FAM227B: variants seen among roughly 807,000 people sequenced by gnomAD.
FAM227B encodes protein FAM227B.
Under a neutral mutation model 73.8 loss-of-function variants are expected in FAM227B, and 88 were observed. The ratio of observed to expected loss-of-function variants is 1.19; its 90% confidence interval spans 1.00 to 1.42. The LOEUF (loss-of-function observed/expected upper bound fraction) is 1.42, where lower values mean the gene tolerates loss of function less well. Among genes scored for constraint, FAM227B ranks in the 40% most tolerant of loss-of-function variants. The pLI is 0.00. For synonymous variants in FAM227B, 210 were observed against 190.5 expected, an observed-to-expected ratio of 1.10 and a Z score of -0.84; for missense variants, 632 against 590.9, an observed-to-expected ratio of 1.07 and a Z score of -0.72.
At chr15:49,404,363 T>G (rs1567220321) in intron 11 of FAM227B, among the ~76,000 whole-genome samples, 1 of 152,296 alleles carries the variant, frequency 6.6e-6, no homozygotes, top group Non-Finnish European at 1.5e-5. Context: ...AGTGGGGTGT[T>G]AAAGTCCCCC....
intron 7 of FAM227B, among the ~76,000 whole-genome samples, chr15:49,575,319 AT>A (rs991020141): frequency 6.6e-6 from 1 of 152,146 alleles, no homozygotes; most frequent in Non-Finnish European, 1.5e-5. Flanking sequence ...GTGACATTTT[AT>A]TTAACCAAAT....
rs566691498 is a variant in FAM227B at position 49,612,140 on chromosome 15, G to A, written c.52-872C>T. Among the ~76,000 whole-genome samples the A allele has an allele frequency of 1.3e-4, 20 of 150,790 alleles. 1 individual carries two copies. In the South Asian group the frequency reaches 2.9e-3, roughly 22 times the overall value. On this transcript the variant is annotated intron_variant, in intron 2 of 15. Coordinates refer to ENST00000299338, the MANE Select transcript of FAM227B (RefSeq NM_152647.3). ...AAGTTTTAGGGTACATGTGTACAAC[G>A]TGCAGGTCTGTTACATATGTATACA...
rs146109281 is a variant in FAM227B at position 49,579,501 on chromosome 15, T to C, written c.406-1837A>G. ...ATCCTGTCATTTGCAGCAATATGGA[T>C]AAAACTGGAGGTTGTCTGTTAAGTG... is the stretch of plus-strand genomic sequence containing the variant. On this transcript the variant is annotated intron_variant, in intron 5 of 15. Transcript: ENST00000299338. Among the ~76,000 whole-genome samples, 293 of 152,308 alleles carry C rather than the reference T, an allele frequency of 1.9e-3. 2 individuals are homozygous for C. The highest frequency in any genetic ancestry group is 6.8e-3 in the African/African-American group (281 of 41,572).
chr15:49,543,143 C>T (rs1207593460), intron 9 of FAM227B, among the ~76,000 whole-genome samples: 1 of 152,034 alleles, frequency 6.6e-6, no homozygotes. Flanking sequence ...AAAGTGTTCC[C>T]TTTTCACCAC....
At chr15:49,457,698 T>G (rs1422297981) in intron 11 of FAM227B, among the ~76,000 whole-genome samples, 2 of 151,878 alleles carry the variant, frequency 1.3e-5, no homozygotes, top group Non-Finnish European at 2.9e-5. Flanking sequence ...AGATTTCCAA[T>G]GTCTATTACT....
chr15:49,455,029 G>A (rs540708960), intron 11 of FAM227B, among the ~76,000 whole-genome samples: 1 of 152,286 alleles, frequency 6.6e-6, no homozygotes, highest in African/African-American at 2.4e-5. Flanking sequence ...ACAGCAGTAT[G>A]ATTTAAAGTG....
intron 13 of FAM227B, among the ~76,000 whole-genome samples, chr15:49,355,896 C>A (rs1178394701): frequency 2.6e-5 from 4 of 151,986 alleles, no homozygotes; most frequent in African/African-American, 9.7e-5. Context: ...GATCTCTCGG[C>A]AGAAACCCTA....
intron 11 of FAM227B, among the ~76,000 whole-genome samples, chr15:49,452,265 A>C (rs2052826119): frequency 6.6e-6 from 1 of 151,986 alleles, no homozygotes; most frequent in Non-Finnish European, 1.5e-5. Flanking sequence ...GTTGGCCAGG[A>C]TGGTCTCGAA....
chr15:49,340,933 T>G (rs1179924399), intron 13 of FAM227B, among the ~76,000 whole-genome samples: 2 of 152,184 alleles, frequency 1.3e-5, no homozygotes, highest in Non-Finnish European at 2.9e-5. Flanking sequence ...TTTGAGTTAA[T>G]TTTTGTATAT....
At chr15:49,538,516 CA>C (rs1281565398) in intron 10 of FAM227B, among the ~76,000 whole-genome samples, 1 of 152,118 alleles carries the variant, frequency 6.6e-6, no homozygotes, top group Admixed American at 6.6e-5. Context: ...CTTTGGGTAC[CA>C]GGGGGTGCAA....
intron 11 of FAM227B, among the ~76,000 whole-genome samples, chr15:49,374,130 G>A (rs918718323): frequency 2.0e-5 from 3 of 152,148 alleles, no homozygotes; most frequent in Non-Finnish European, 4.4e-5. Context: ...TATAAAGATA[G>A]TTGGTATCAA....
At position 49,529,514 on chromosome 15, in the gene FAM227B, T is replaced by C. The variant is rs907168626; in HGVS notation, c.874+12166A>G. 2.0e-5 allele frequency among the ~76,000 whole-genome samples: 3 copies of C among 151,598 alleles called. No homozygotes were observed. In the South Asian group the frequency reaches 6.2e-4, roughly 31 times the overall value. On this transcript the variant is annotated intron_variant, in intron 10 of 15. Transcript: ENST00000299338. ...ATAAACATACACACAAAAGAAAATG[T>C]AGGTTTGATTTTTTTAAATTAAACT...
chr15:49,439,430 G>T (rs568234290), intron 11 of FAM227B, among the ~76,000 whole-genome samples: 31 of 151,622 alleles, frequency 2.0e-4, no homozygotes, highest in African/African-American at 2.9e-4. Context: ...AGTAAAACGT[G>T]GGGGGAGGGA....
In FAM227B at chr15:49,588,063, G is replaced by A. The variant is rs78578834; in HGVS notation, c.358C>T (p.Arg120Ter). The A allele has an allele frequency of 1.6e-5, 22 of 1,404,676 alleles. No homozygotes were observed. Among genetic ancestry groups the A allele is most frequent in the Admixed American group, 6.9e-5 (3 of 43,268 alleles). The allele number at this position is 1,404,676 out of a possible 1,614,324, so 87.0% of individuals were successfully genotyped here. A position where few individuals can be genotyped will look rare whatever the true frequency, so the allele number is the denominator to read the frequency against. Reference protein sequence around the residue: ...SETSSYRKLERYGEFLKKYHK... With the variant: ...SETSSYRKLE ...TACTTCTTTAGAAATTCCCCATATC[G>A]TTCCAATTTTCTATAAGAACCTTTA... Residue 120 changes from arginine to a stop codon, truncating the protein, a stop_gained, in exon 5 of 16, where the codon CGA (arginine) becomes TGA (stop). Transcript: ENST00000299338. LOFTEE classifies it high-confidence loss of function.
intron 4 of FAM227B, among the ~76,000 whole-genome samples, chr15:49,588,578 T>C (rs1340093763): frequency 8.1e-6 from 1 of 122,954 alleles, no homozygotes; most frequent in Admixed American, 7.8e-5. Context: ...TATATATATA[T>C]ATATATATAT....
At chr15:49,379,050 GATCAT>G (rs148331731) in intron 11 of FAM227B, among the ~76,000 whole-genome samples, 24,944 of 151,942 alleles carry the variant, frequency 0.16, 2,323 homozygotes, top group Non-Finnish European at 0.21. Context: ...CAATTGAAAG[GATCAT>G]ATCATTTTTA....
At position 49,615,163 on chromosome 15, in the gene FAM227B, G is replaced by T. The variant is rs910818565; in HGVS notation, c.9C>A (p.Gly3=). The change falls in exon 2 of 16, where the codon GGC becomes GGA. Residue 3 remains glycine (G), a synonymous_variant. Transcript: ENST00000299338. ...TGCTCCTCCTTTGACATGTTCGTTG[G>T]CCTGCCATGGTACAGTAACTTTGCA... MA[G]QRTCQRRSSR... is the part of the protein sequence containing the mutation. 1 of 1,613,902 alleles carries T rather than the reference G, an allele frequency of 6.2e-7. No homozygotes were observed. Among genetic ancestry groups the T allele is most frequent in the African/African-American group, 1.3e-5 (1 of 74,896 alleles).
intron 14 of FAM227B, among the ~76,000 whole-genome samples, chr15:49,332,391 A>T (rs1037982997): frequency 6.6e-6 from 1 of 152,242 alleles, no homozygotes; most frequent in Non-Finnish European, 1.5e-5. Context: ...AGTGGGTGAC[A>T]GCGCTTACTA....
intron 11 of FAM227B, among the ~76,000 whole-genome samples, chr15:49,467,044 T>C (rs967141484): frequency 1.3e-5 from 2 of 152,132 alleles, no homozygotes; most frequent in Non-Finnish European, 2.9e-5. Flanking sequence ...AATTATCTTA[T>C]GCCTGGGTAG....
Sources: gnomAD v4.1 joint callset for allele counts (sites outside exome capture counted in the v4.1 genomes callset) on GRCh38, gnomAD v4.1.1 for gene constraint, MANE v1.5 for transcripts, NCBI Gene and HGNC (gene_info 2026-07-23, HGNC 2026-07-21) for gene names.